PAICS: variants seen among roughly 807,000 people sequenced by gnomAD.
PAICS encodes phosphoribosylaminoimidazole carboxylase and phosphoribosylaminoimidazolesuccinocarboxamide synthase.
A neutral mutation model predicts 53.7 loss-of-function variants in PAICS; 33 were observed. The ratio of observed to expected loss-of-function variants is 0.61; its 90% CI spans 0.47 to 0.82. The LOEUF is 0.82. Among genes scored for constraint, PAICS ranks in the 40% least tolerant of loss-of-function variants. The pLI is 0.00. For synonymous variants in PAICS, 141 were observed against 167.2 expected (o/e 0.84, Z 1.21); for missense variants, 394 against 494.1 (o/e 0.80, Z 1.92).
intron 2 of PAICS, among the ~76,000 whole-genome samples, chr4:56,445,288 A>G (rs1029262307): frequency 1.3e-5 from 2 of 152,098 alleles, no homozygotes; most frequent in African/African-American, 4.8e-5. Flanking sequence ...TTCACTGTAA[A>G]ATGTATAAAT....
chr4:56,435,602 T>C (rs60112184), upstream of PAICS: 14,981 of 1,529,498 alleles, frequency 9.8e-3, 1,091 homozygotes, highest in African/African-American at 0.17. Context: ...TTCCCGAGGG[T>C]GGCCCCAGCT....
At chr4:56,441,893 C>T in intron 2 of PAICS, 33 bp downstream of exon 2, 1 of 1,416,534 alleles carries the variant, frequency 7.1e-7, no homozygotes, top group Non-Finnish European at 9.7e-7. Flanking sequence ...CTTCTCTCAC[C>T]TTCTCTGGTA....
chr4:56,412,872 C>T, the PAICS span, among the ~76,000 whole-genome samples: 2 of 152,126 alleles, frequency 1.3e-5, no homozygotes, highest in Non-Finnish European at 2.9e-5. Flanking sequence ...TTGTTCTTTA[C>T]ATTTTTAAAT....
chr4:56,448,640 G>C, intron 4 of PAICS, 43 bp downstream of exon 4: 1 of 1,538,772 alleles, frequency 6.5e-7, no homozygotes, highest in Non-Finnish European at 8.9e-7. Context: ...GGATTTGAAA[G>C]TAAAGGTTAT....
chr4:56,434,994 G>A (rs944261968), upstream of PAICS, among the ~76,000 whole-genome samples: 2 of 152,182 alleles, frequency 1.3e-5, no homozygotes, highest in Non-Finnish European at 1.5e-5. Context: ...CAGGCTCCGG[G>A]AGACTAGAAC....
chr4:56,433,398 A>T (rs63349560), upstream of PAICS, among the ~76,000 whole-genome samples: 1 of 33,404 alleles, frequency 3.0e-5, no homozygotes, highest in Non-Finnish European at 6.6e-5. Flanking sequence ...GGTATTCATT[A>T]AAAAAAAAAA....
At chr4:56,415,436 A>G in the PAICS span, among the ~76,000 whole-genome samples, 7 of 152,236 alleles carry the variant, frequency 4.6e-5, no homozygotes, top group Admixed American at 4.6e-4. Context: ...TTTAAAAAGT[A>G]GCCTATGCCT....
chr4:56,449,080 T>C (rs1718768883), intron 5 of PAICS, among the ~76,000 whole-genome samples: 1 of 151,780 alleles, frequency 6.6e-6, no homozygotes, highest in Admixed American at 6.5e-5. Flanking sequence ...AGTATTATCT[T>C]TGTTTGGCTA....
upstream of PAICS, chr4:56,435,880 G>T (rs1717896242): frequency 6.7e-7 from 1 of 1,481,520 alleles, no homozygotes; most frequent in Admixed American, 1.8e-5. Flanking sequence ...AGAGCATTTA[G>T]CCTTCATATG....
the PAICS span, chr4:56,420,109 C>T: frequency 1.8e-6 from 1 of 561,002 alleles, no homozygotes; most frequent in Non-Finnish European, 2.3e-6. Flanking sequence ...TCAAGGATCC[C>T]TTTTCCAAAA....
At chr4:56,447,033 T>C (rs1004208512) in intron 3 of PAICS, among the ~76,000 whole-genome samples, 160 bp downstream of exon 3, 1 of 149,778 alleles carries the variant, frequency 6.7e-6, no homozygotes, top group East Asian at 1.9e-4. Context: ...ATGTCAATAA[T>C]GTACACTTCC....
At chr4:56,443,046 C>A (rs906887966) in intron 2 of PAICS, among the ~76,000 whole-genome samples, 1 of 152,172 alleles carries the variant, frequency 6.6e-6, no homozygotes, top group Non-Finnish European at 1.5e-5. Flanking sequence ...TCCTAAGTCA[C>A]AGAATCTAAG....
upstream of PAICS, chr4:56,435,570 C>G (rs59010837): frequency 9.6e-3 from 15,324 of 1,592,598 alleles, 1,114 homozygotes; most frequent in African/African-American, 0.17. Flanking sequence ...CTCAGAAGCT[C>G]GCGCTCGCGA....
At chr4:56,435,567 G>A (rs60097571), upstream of PAICS, 27 of 1,592,860 alleles carry the variant, frequency 1.7e-5, no homozygotes, top group African/African-American at 2.9e-4. Flanking sequence ...GAGCTCAGAA[G>A]CTCGCGCTCG....
chr4:56,436,681 A>G, intron 1 of PAICS: 1 of 516,982 alleles, frequency 1.9e-6, no homozygotes, highest in Non-Finnish European at 3.7e-6. Context: ...TAAGAAGGTT[A>G]ATAATTGAAA....
At chr4:56,418,878 C>G in the PAICS span, among the ~76,000 whole-genome samples, 1 of 152,186 alleles carries the variant, frequency 6.6e-6, no homozygotes, top group Non-Finnish European at 1.5e-5. Flanking sequence ...GGATTTATAA[C>G]TAAGTGGAGA....
chr4:56,458,507 T>C (rs1044395925), intron 8 of PAICS, among the ~76,000 whole-genome samples: 2 of 152,180 alleles, frequency 1.3e-5, no homozygotes, highest in African/African-American at 4.8e-5. Context: ...CTAGTTAAAA[T>C]TCCCTTCTCA....
chr4:56,457,105 C>T lies in PAICS; in HGVS notation c.1112-2267C>T, dbSNP rs538054719. Among the ~76,000 whole-genome samples the T allele has an allele frequency of 2.6e-4, 39 of 152,234 alleles. 1 individual carries two copies. In the South Asian group the frequency reaches 6.8e-3, roughly 27 times the overall value. On this transcript the variant is annotated intron_variant, in intron 8 of 8. Transcript: ENST00000512576. ...TGCCTGGCGTCCCCTAGTTCAAAGACGCCAAGACTGAAGTCTGTTTTACCT... is the reference window on the plus strand; with the variant it reads ...TGCCTGGCGTCCCCTAGTTCAAAGATGCCAAGACTGAAGTCTGTTTTACCT...
chr4:56,448,320 TA>T, intron 3 of PAICS, 97 bp from the exon 4 acceptor site: 1 of 827,560 alleles, frequency 1.2e-6, no homozygotes, highest in Non-Finnish European at 1.8e-6. Context: ...TAAAAATTTC[TA>T]AGGAGTTCAT....
Sources: gnomAD v4.1 joint callset for allele counts (sites outside exome capture counted in the v4.1 genomes callset) on GRCh38, gnomAD v4.1.1 for gene constraint, MANE v1.5 for transcripts, NCBI Gene and HGNC (gene_info 2026-07-23, HGNC 2026-07-21) for gene names.